Variants in EIF5 observed in about 807,000 individuals in gnomAD.
The protein encoded by EIF5 is eukaryotic translation initiation factor 5.
EIF5 carries 10 observed loss-of-function variants against 48.3 expected under a neutral mutation model. The observed-to-expected ratio is 0.21, with a 90% CI of 0.13 to 0.35. The LOEUF (loss-of-function observed/expected upper bound fraction) is 0.35, where lower values mean the gene tolerates loss of function less well. Ranked by LOEUF, EIF5 falls within the 10% of genes least tolerant of loss-of-function variation. The probability of loss-of-function intolerance (pLI) is 1.00; values close to 1 mark genes in which losing one functional copy is unlikely to be tolerated. For missense variants in EIF5, 397 were observed against 533.2 expected, an observed-to-expected ratio of 0.74 and a Z score of 2.51; for synonymous variants, 237 against 173.1, an observed-to-expected ratio of 1.37 and a Z score of -2.90.
rs982177855 is a variant in EIF5, at chr14:103,334,382, G to C, written c.-417-7G>C. On this transcript the variant is annotated splice_polypyrimidine_tract_variant and splice_region_variant and intron_variant, in intron 1 of 11. Transcript: ENST00000216554. ...CCACGGCTCACGGCGCCGTCTCTCC[G>C]CGCCAGGTCGCCCAGCTCCGGCGCT... The C allele has an allele frequency of 1.2e-4, 18 of 152,238 alleles. No individual in the cohort carries two copies. Among genetic ancestry groups the C allele is most frequent in the Admixed American group, 5.9e-4 (9 of 15,280 alleles). The allele number at this position is 152,238 out of a possible 1,614,324, so 9.4% of individuals were successfully genotyped here.
chr14:103,338,111 AAT>A, intron 6 of EIF5: 1 of 699,586 alleles, frequency 1.4e-6, no homozygotes, highest in Non-Finnish European at 2.4e-6. Context: ...CAATACCCCT[AAT>A]ATTTTGTGTC....
chr14:103,339,780 GTCA>G lies in EIF5; in HGVS notation c.1055_1057del (p.Ile352del). On this transcript the variant is annotated inframe_deletion, in exon 10 of 12. Coordinates refer to ENST00000216554, the MANE Select transcript of EIF5 (RefSeq NM_001969.5). The stretch of plus-strand genomic sequence containing the variant: ...CGATGCAGACCTTTTAGAAGAAGAG[GTCA>G]TCATCAGCTGGTCGGAAAAGGTGGG... The G allele has an allele frequency of 6.2e-7, 1 of 1,614,180 alleles. No individual in the cohort carries two copies. Among genetic ancestry groups the G allele is most frequent in the Non-Finnish European group, 8.5e-7 (1 of 1,180,016 alleles).
chr14:103,340,142 C>T (rs147571463), intron 10 of EIF5, among the ~76,000 whole-genome samples: 1,661 of 152,242 alleles, frequency 0.011, 28 homozygotes, highest in African/African-American at 0.037. Flanking sequence ...TGAGCTCCTG[C>T]GCCCAGCCGT....
chr14:103,339,367 T>A (rs771552757), intron 9 of EIF5, 34 bp downstream of exon 9: 1 of 1,568,750 alleles, frequency 6.4e-7, no homozygotes, highest in African/African-American at 1.4e-5. Flanking sequence ...TAAATGAGAT[T>A]ACAGTTGTGT....
rs1242697669 is a variant in EIF5 at position 103,341,152 on chromosome 14, ACAT to A, written c.*104_*106del. 3 of 1,001,056 alleles carry A rather than the reference ACAT, an allele frequency of 3.0e-6. No individual in the cohort carries two copies. The highest frequency in any genetic ancestry group is 1.9e-5 in the Admixed American group (1 of 53,556). 62.0% of individuals were successfully genotyped at this position (1,001,056 alleles called of 1,614,324 possible). On this transcript the variant is annotated 3_prime_UTR_variant, in exon 12 of 12. Coordinates refer to ENST00000216554, the MANE Select transcript of EIF5 (RefSeq NM_001969.5). ...TATGTGCAAAAGCTAAAATGGCTTA[ACAT>A]CATGCTACACTTTACACTAAAAATC...
intron 6 of EIF5, chr14:103,337,780 AC>A: frequency 2.2e-6 from 1 of 455,684 alleles, no homozygotes; most frequent in South Asian, 1.7e-5. Flanking sequence ...TCTGCTGGAA[AC>A]CCAGCAAAGT....
chr14:103,336,574 C>T (rs965860517), intron 4 of EIF5, 103 bp from the exon 5 acceptor site: 7 of 1,245,358 alleles, frequency 5.6e-6, no homozygotes, highest in African/African-American at 1.7e-5. Flanking sequence ...GAGTGAGACT[C>T]TTGTCTCAAA....
chr14:103,342,889 G>A lies in EIF5; in HGVS notation c.*1837G>A, dbSNP rs1239941232. The stretch of plus-strand genomic sequence containing the variant: ...AGGAGATACTGGTGACCTAAGCTAA[G>A]TTGCACTCAGCATACTCAGTGTCAA... On this transcript the variant is annotated 3_prime_UTR_variant, in exon 12 of 12. Coordinates refer to ENST00000216554, the MANE Select transcript of EIF5 (RefSeq NM_001969.5). The A allele has an allele frequency of 6.6e-6, 1 of 152,620 alleles. No homozygotes were observed. The highest frequency in any genetic ancestry group is 1.5e-5 in the Non-Finnish European group (1 of 68,042). The allele number at this position is 152,620 out of a possible 1,614,324, so 9.5% of individuals were successfully genotyped here.
At chr14:103,339,595 G>C in intron 9 of EIF5, 44 bp from the exon 10 acceptor site, 1 of 1,610,498 alleles carries the variant, frequency 6.2e-7, no homozygotes, top group Non-Finnish European at 8.5e-7. Flanking sequence ...TGTCAACTTA[G>C]AACACATAAA....
At position 103,341,169 on chromosome 14, in the gene EIF5, A is replaced by G. The variant is rs1387665925; in HGVS notation, c.*117A>G. On this transcript the variant is annotated 3_prime_UTR_variant, in exon 12 of 12. Transcript: ENST00000216554. ...ATGGCTTAACATCATGCTACACTTT[A>G]CACTAAAAATCTATTACTGTGAGTG... 24 of 870,136 alleles carry G rather than the reference A, an allele frequency of 2.8e-5. No homozygotes were observed. The highest frequency in any genetic ancestry group is 4.1e-5 in the Non-Finnish European group (22 of 538,102). The allele number at this position is 870,136 out of a possible 1,614,324, so 53.9% of individuals were successfully genotyped here.
chr14:103,337,333 G>A (rs578046848), intron 6 of EIF5, 106 bp downstream of exon 6: 30 of 946,910 alleles, frequency 3.2e-5, no homozygotes, highest in Non-Finnish European at 4.2e-5. Context: ...GACTGGGCAC[G>A]GTGGCTCATG....
chr14:103,338,404 G>A lies in EIF5; in HGVS notation c.517G>A (p.Val173Ile), dbSNP rs773356930. ...RKGKDKENGS[V>I]SSSETPPPPP... ...GGGCAAAGACAAGGAAAATGGCTCC[G>A]TATCCAGCAGTGAGACACCACCACC... is the stretch of plus-strand genomic sequence containing the variant. Residue 173 changes from valine to isoleucine, a missense_variant, in exon 7 of 12, where the codon GTA (valine) becomes ATA (isoleucine). Val to Ile is a conservative substitution (Grantham distance 29). Around this residue, in one of 4 missense-constraint regions of EIF5, gnomAD observed 126 missense variants for 141.9 expected, o/e 0.89. Transcript: ENST00000216554. The A allele has an allele frequency of 9.3e-6, 15 of 1,607,672 alleles. No homozygotes were observed. The highest frequency in any genetic ancestry group is 4.5e-5 in the East Asian group (2 of 44,488).
chr14:103,334,851 G>C (rs1044188448), intron 2 of EIF5: 3 of 152,148 alleles, frequency 2.0e-5, no homozygotes, highest in East Asian at 3.9e-4. Flanking sequence ...GTCATCGCGC[G>C]CTCTGGGGCG....
chr14:103,336,433 T>C (rs149880753), intron 4 of EIF5: 1 of 551,250 alleles, frequency 1.8e-6, no homozygotes, highest in African/African-American at 1.9e-5. Flanking sequence ...ATACAAAAAT[T>C]AGCCAGGCGT....
rs550119025 is a variant in EIF5, at chr14:103,342,358, T to G, written c.*1306T>G. The G allele has an allele frequency of 2.0e-5, 3 of 152,292 alleles. No homozygotes were observed. Among genetic ancestry groups the G allele is most frequent in the African/African-American group, 7.2e-5 (3 of 41,566 alleles). 9.4% of individuals were successfully genotyped at this position (152,292 alleles called of 1,614,324 possible). On this transcript the variant is annotated 3_prime_UTR_variant, in exon 12 of 12. Coordinates refer to ENST00000216554, the MANE Select transcript of EIF5 (RefSeq NM_001969.5). Reference sequence around the variant, plus strand: ...ATTTGGACACACAAGAGTTGATAACTTCCTCATGAACTCCTTGCCTGATCT... The same window carrying G: ...ATTTGGACACACAAGAGTTGATAACGTCCTCATGAACTCCTTGCCTGATCT...
At chr14:103,337,762 AC>A (rs1363579203) in intron 6 of EIF5, 6 of 442,454 alleles carry the variant, frequency 1.4e-5, no homozygotes, top group Non-Finnish European at 2.6e-5. Flanking sequence ...TGAAGTAATG[AC>A]TAAAATTCTG....
Position 103,334,276 on chromosome 14 carries a change from G to A in EIF5, c.-418+16G>A, listed in dbSNP as rs888412465. On this transcript the variant is annotated intron_variant, in intron 1 of 11. Transcript: ENST00000216554. ...CATTCCAGAGGTGAGTCCGGTGAAG[G>A]GGCGGCCCCCTGCCCGGTGCTTCCC... 4 of 152,254 alleles carry A rather than the reference G, an allele frequency of 2.6e-5. No homozygotes were observed. Among genetic ancestry groups the A allele is most frequent in the African/African-American group, 9.7e-5 (4 of 41,412 alleles). The allele number at this position is 152,254 out of a possible 1,614,324, so 9.4% of individuals were successfully genotyped here. A position where few individuals can be genotyped will look rare whatever the true frequency, so the allele number is the denominator to read the frequency against.
Position 103,342,980 on chromosome 14 carries a change from G to C in EIF5, c.*1928G>C, listed in dbSNP as rs2089371448. ...AGGGAAAACATGTTCAGGGCTTCTA[G>C]AACACTAAAAAATTTGGCTTAAACC... On this transcript the variant is annotated 3_prime_UTR_variant, in exon 12 of 12. Coordinates refer to ENST00000216554, the MANE Select transcript of EIF5 (RefSeq NM_001969.5). The C allele has an allele frequency of 6.6e-6, 1 of 152,582 alleles. No individual in the cohort carries two copies. Among genetic ancestry groups the C allele is most frequent in the South Asian group, 2.1e-4 (1 of 4,836 alleles). The allele number at this position is 152,582 out of a possible 1,614,324, so 9.5% of individuals were successfully genotyped here. A position where few individuals can be genotyped will look rare whatever the true frequency, so the allele number is the denominator to read the frequency against.
chr14:103,339,527 T>G, intron 9 of EIF5, 112 bp from the exon 10 acceptor site: 1 of 1,519,544 alleles, frequency 6.6e-7, no homozygotes. Context: ...ATTGACCTTT[T>G]TGAACAACTA....
Sources: allele counts gnomAD v4.1 joint callset (sites outside exome capture counted in the v4.1 genomes callset), GRCh38; gene constraint gnomAD v4.1.1; regional missense constraint gnomAD v4.1.1; transcripts MANE v1.5; gene names NCBI Gene and HGNC (gene_info 2026-07-23, HGNC 2026-07-21).